Variants in MFAP5 observed in about 807,000 individuals in gnomAD.
The protein encoded by MFAP5 is microfibrillar-associated protein 5.
A neutral mutation model predicts 30.1 loss-of-function variants in MFAP5; 19 were observed. The ratio of observed to expected loss-of-function variants is 0.63; its 90% CI spans 0.44 to 0.93. The LOEUF is 0.93. Among genes scored for constraint, MFAP5 ranks in the 40% least tolerant of loss-of-function variants. The pLI, the probability that MFAP5 is intolerant of heterozygous loss-of-function variation, is 0.00. For missense variants in MFAP5, 210 were observed against 221.3 expected (o/e 0.95, Z 0.32); for synonymous variants, 92 against 72.9 (o/e 1.26, Z -1.33).
rs1364812648 is a variant in MFAP5, at chr12:8,647,860, G to A, written c.*231C>T. 14 of 360,030 alleles carry A rather than the reference G, an allele frequency of 3.9e-5. No homozygotes were observed. Among genetic ancestry groups the A allele is most frequent in the Middle Eastern group, 7.9e-4 (1 of 1,272 alleles). The allele number at this position is 360,030 out of a possible 1,614,324, so 22.3% of individuals were successfully genotyped here. A position where few individuals can be genotyped will look rare whatever the true frequency, so the allele number is the denominator to read the frequency against. On this transcript the variant is annotated 3_prime_UTR_variant, in exon 10 of 10. Coordinates refer to ENST00000359478, the MANE Select transcript of MFAP5 (RefSeq NM_003480.4). ...ATCTATTCACTGTGTCTATGATATTGAGAAGCAGCAAAATTATGCAATAAT... is the reference window on the plus strand; with the variant it reads ...ATCTATTCACTGTGTCTATGATATTAAGAAGCAGCAAAATTATGCAATAAT...
chr12:8,648,430 T>C, intron 9 of MFAP5: 1 of 1,006,702 alleles, frequency 9.9e-7, no homozygotes, highest in South Asian at 1.7e-5. Flanking sequence ...AGAATTAAAA[T>C]ACCTACCTCA....
rs1166227124 is a variant in MFAP5, at chr12:8,656,671, T to A, written c.95-841A>T. Among the ~76,000 whole-genome samples, 74 of 89,914 alleles carry A rather than the reference T, an allele frequency of 8.2e-4. 1 individual carries two copies. The South Asian group carries it at 9.1e-3, about 11-fold the overall frequency. 59.0% of individuals were successfully genotyped at this position (89,914 alleles called of 152,430 possible). On this transcript the variant is annotated intron_variant, in intron 3 of 9. Transcript: ENST00000359478. ...ACACATATATATATATATATATATT[T>A]TTTTTTTTTGAGACAGAGTCTGGCT...
At chr12:8,654,940 C>CAAAA (rs34739708) in intron 5 of MFAP5, among the ~76,000 whole-genome samples, 1,255 of 114,582 alleles carry the variant, frequency 0.011, 15 homozygotes, top group African/African-American at 0.037. Flanking sequence ...GACTCTGTCT[C>CAAAA]AAAAAAAAAA....
intron 6 of MFAP5, chr12:8,651,917 T>A: frequency 1.8e-6 from 1 of 540,652 alleles, no homozygotes; most frequent in East Asian, 3.1e-5. Context: ...TCTCCTTTCC[T>A]TTCTAAAGAG....
rs1264895776 is a variant in MFAP5, at chr12:8,660,852, G to A, written c.94+11C>T. On this transcript the variant is annotated intron_variant, in intron 3 of 9. Transcript: ENST00000359478. ...AACCCCAACAGAGCCGCTATCCAAG[G>A]GTTCACCTACCTCCTCGTTGACTAT... 6.2e-7 allele frequency: 1 copy of A among 1,609,970 alleles called. No individual in the cohort carries two copies. Among genetic ancestry groups the A allele is most frequent in the Non-Finnish European group, 8.5e-7 (1 of 1,176,728 alleles).
At chr12:8,660,923 A>T in intron 2 of MFAP5, 25 bp from the exon 3 acceptor site, 1 of 1,599,798 alleles carries the variant, frequency 6.3e-7, no homozygotes. Flanking sequence ...GAGAAAAGAG[A>T]TGTGAGTGAC....
At chr12:8,662,406 C>A in intron 1 of MFAP5, 1 of 308,830 alleles carries the variant, frequency 3.2e-6, no homozygotes, top group Non-Finnish European at 6.0e-6. Context: ...TGGCCTCTTT[C>A]ACCCCTGATG....
chr12:8,660,835 C>T (rs1187433526), intron 3 of MFAP5, 28 bp downstream of exon 3: 1 of 1,599,626 alleles, frequency 6.3e-7, no homozygotes, highest in Admixed American at 1.7e-5. Flanking sequence ...AGAACCCCAA[C>T]AGAGCCGCTA....
intron 7 of MFAP5, among the ~76,000 whole-genome samples, chr12:8,650,992 C>A (rs1342872573): frequency 6.6e-6 from 1 of 152,066 alleles, no homozygotes; most frequent in African/African-American, 2.4e-5. Context: ...CAAGGTAAAA[C>A]CCCGTCTCTA....
In MFAP5 at chr12:8,647,743, C is replaced by G. The variant is rs1941722225; in HGVS notation, c.*348G>C. 1 of 158,302 alleles carries G rather than the reference C, an allele frequency of 6.3e-6. No individual in the cohort carries two copies. The highest frequency in any genetic ancestry group is 1.4e-5 in the Non-Finnish European group (1 of 72,208). 9.8% of individuals were successfully genotyped at this position (158,302 alleles called of 1,614,324 possible). On this transcript the variant is annotated 3_prime_UTR_variant, in exon 10 of 10. Coordinates refer to ENST00000359478, the MANE Select transcript of MFAP5 (RefSeq NM_003480.4). ...GCTTCTTCAACCCTAAGATCTATAT[C>G]AGACAGATTCAATAGTAAAGATTAT... is the stretch of plus-strand genomic sequence containing the variant.
At chr12:8,654,237 G>T (rs1941920848) in intron 6 of MFAP5, 200 bp downstream of exon 6, 2 of 472,000 alleles carry the variant, frequency 4.2e-6, no homozygotes, top group Non-Finnish European at 3.7e-6. Context: ...TTGAAACTTT[G>T]AGAGAAAGAT....
At chr12:8,650,314 C>T (rs1335488989) in intron 8 of MFAP5, 188 bp downstream of exon 8, 1 of 588,066 alleles carries the variant, frequency 1.7e-6, no homozygotes, top group Non-Finnish European at 3.1e-6. Flanking sequence ...ATTACTCTGC[C>T]TGTTCTTTGT....
intron 7 of MFAP5, 32 bp downstream of exon 7, chr12:8,651,630 G>A (rs1941841210): frequency 6.2e-7 from 1 of 1,610,478 alleles, no homozygotes; most frequent in Non-Finnish European, 8.5e-7. Flanking sequence ...AAGAAAAAAA[G>A]GCTTAAGAAG....
At chr12:8,650,661 G>T in intron 7 of MFAP5, 72 bp from the exon 8 acceptor site, 1 of 1,289,890 alleles carries the variant, frequency 7.8e-7, no homozygotes, top group Non-Finnish European at 1.1e-6. Context: ...TGAAGGAATT[G>T]GGAAGGATAG....
chr12:8,656,647 C>CAT lies in MFAP5; in HGVS notation c.95-818_95-817insAT, dbSNP rs1251493031. ...ACATACACACACACACACACACACA[C>CAT]ACATATATATATATATATATATTTT... On this transcript the variant is annotated intron_variant, in intron 3 of 9. Coordinates refer to ENST00000359478, the MANE Select transcript of MFAP5 (RefSeq NM_003480.4). Among the ~76,000 whole-genome samples, 4 of 122,472 alleles carry CAT rather than the reference C, an allele frequency of 3.3e-5. No homozygotes were observed. In the East Asian group the frequency reaches 8.3e-4, roughly 26 times the overall value. The allele number at this position is 122,472 out of a possible 152,430, so 80.3% of individuals were successfully genotyped here.
Position 8,654,322 on chromosome 12 carries a change from T to C in MFAP5, c.217+115A>G. The stretch of plus-strand genomic sequence containing the variant: ...TGAACTACTGGAAATATGTGCTCCA[T>C]AAACTGTCATCCTGTCTTTTTAGGA... On this transcript the variant is annotated intron_variant, in intron 6 of 9. Coordinates refer to ENST00000359478, the MANE Select transcript of MFAP5 (RefSeq NM_003480.4). 7 of 1,025,468 alleles carry C rather than the reference T, an allele frequency of 6.8e-6. No individual in the cohort carries two copies. The South Asian group carries it at 9.5e-5, about 14-fold the overall frequency. The allele number at this position is 1,025,468 out of a possible 1,614,324, so 63.5% of individuals were successfully genotyped here.
chr12:8,654,290 TTTGAA>T, intron 6 of MFAP5, 142 bp downstream of exon 6: 1 of 712,716 alleles, frequency 1.4e-6, no homozygotes, highest in East Asian at 2.8e-5. Context: ...ATGTCATTAA[TTTGAA>T]TTGAACTACT....
chr12:8,658,824 G>A (rs1017487338), intron 3 of MFAP5, among the ~76,000 whole-genome samples: 3 of 151,678 alleles, frequency 2.0e-5, no homozygotes, highest in Non-Finnish European at 4.4e-5. Flanking sequence ...AAAAATTAAC[G>A]TATTTTCTTT....
At chr12:8,654,234 T>A (rs1319230259) in intron 6 of MFAP5, 3 of 483,874 alleles carry the variant, frequency 6.2e-6, no homozygotes, top group African/African-American at 5.9e-5. Context: ...GTCTTGAAAC[T>A]TTGAGAGAAA....
Sources: gnomAD v4.1 joint callset for allele counts (sites outside exome capture counted in the v4.1 genomes callset) on GRCh38, gnomAD v4.1.1 for gene constraint, MANE v1.5 for transcripts, NCBI Gene and HGNC (gene_info 2026-07-23, HGNC 2026-07-21) for gene names.